NELL2: variants seen among roughly 807,000 people sequenced by gnomAD.
NELL2 encodes neural EGFL like 2.
NELL2 carries 41 observed loss-of-function variants against 109.6 expected under a neutral mutation model. The observed-to-expected ratio is 0.37, with a 90% CI of 0.29 to 0.49. The LOEUF (loss-of-function observed/expected upper bound fraction) is 0.49. NELL2 is among the 20% of genes least tolerant of loss of function. The probability of loss-of-function intolerance (pLI) is 0.98; values close to 1 mark genes in which losing one functional copy is unlikely to be tolerated. For synonymous variants in NELL2, 355 were observed against 344.7 expected, an observed-to-expected ratio of 1.03 and a Z score of -0.33; for missense variants, 900 against 1,008.3, an observed-to-expected ratio of 0.89 and a Z score of 1.45.
chr12:44,641,567 C>A (rs7295303), intron 13 of NELL2, among the ~76,000 whole-genome samples: 6,229 of 151,884 alleles, frequency 0.041, 427 homozygotes, highest in African/African-American at 0.14. Context: ...AAGAAAAAAA[C>A]CCCATAAATA....
intron 15 of NELL2, among the ~76,000 whole-genome samples, chr12:44,563,809 G>A (rs1434997926): frequency 6.6e-6 from 1 of 152,076 alleles, no homozygotes; most frequent in Non-Finnish European, 1.5e-5. Context: ...TTGACAGATA[G>A]GTTTGAAGAA....
chr12:44,563,521 G>A (rs1164639636), intron 15 of NELL2, among the ~76,000 whole-genome samples: 1 of 152,098 alleles, frequency 6.6e-6, no homozygotes, highest in East Asian at 1.9e-4. Context: ...TAGTTTTTTG[G>A]GGAAAGGGTG....
intron 9 of NELL2, among the ~76,000 whole-genome samples, chr12:44,758,923 C>T (rs1941006669): frequency 6.6e-6 from 1 of 152,178 alleles, no homozygotes; most frequent in South Asian, 2.1e-4. Flanking sequence ...AGTAAAACTT[C>T]ATGCCTCTGA....
chr12:44,633,948 A>G (rs1430832770), intron 13 of NELL2, among the ~76,000 whole-genome samples: 4 of 152,152 alleles, frequency 2.6e-5, no homozygotes, highest in Admixed American at 6.6e-5. Flanking sequence ...ATATATTCAG[A>G]CATAATAAAA....
At chr12:44,557,203 C>T (rs557566590) in intron 15 of NELL2, among the ~76,000 whole-genome samples, 1 of 152,276 alleles carries the variant, frequency 6.6e-6, no homozygotes, top group East Asian at 1.9e-4. Flanking sequence ...TTGGATCCTA[C>T]CATTTTGCCC....
At chr12:44,910,487 G>A (rs1204692658) in intron 1 of NELL2, among the ~76,000 whole-genome samples, 1 of 151,968 alleles carries the variant, frequency 6.6e-6, no homozygotes, top group Non-Finnish European at 1.5e-5. Flanking sequence ...GGAGAGAAAG[G>A]AGAACTTATG....
In NELL2 at chr12:44,876,249, G is replaced by T; in HGVS notation, c.-380C>A. On this transcript the variant is annotated 5_prime_UTR_variant, in exon 1 of 20. Coordinates refer to ENST00000429094, the MANE Select transcript of NELL2 (RefSeq NM_001145108.2). ...AGGGGGGCGGCCCCAAGAAAGCCCG[G>T]GCTGGGGCGGCCCCGCACCCCCCCG... 8.6e-7 allele frequency: 1 copy of T among 1,165,844 alleles called. No homozygotes were observed. The highest frequency in any genetic ancestry group is 1.1e-6 in the Non-Finnish European group (1 of 943,450). The allele number at this position is 1,165,844 out of a possible 1,614,324, so 72.2% of individuals were successfully genotyped here. A position where few individuals can be genotyped will look rare whatever the true frequency, so the allele number is the denominator to read the frequency against.
rs189856639 is a variant in NELL2, at chr12:44,606,583, T to C, written c.1663+586A>G. ...TATTTTACTTTAGGGTTATAAGTTA[T>C]ATGTAGACTATATATTGTTTTTAAA... On this transcript the variant is annotated intron_variant, in intron 15 of 19. Coordinates refer to ENST00000429094, the MANE Select transcript of NELL2 (RefSeq NM_001145108.2). Among the ~76,000 whole-genome samples the C allele has an allele frequency of 8.2e-4, 125 of 152,286 alleles. 1 individual carries two copies. Among genetic ancestry groups the C allele is most frequent in the Middle Eastern group, 3.4e-3 (1 of 294 alleles).
intron 3 of NELL2, among the ~76,000 whole-genome samples, chr12:44,812,433 G>T (rs1943210317): frequency 6.6e-6 from 1 of 152,150 alleles, no homozygotes; most frequent in Non-Finnish European, 1.5e-5. Flanking sequence ...ATATGTGTAT[G>T]GTTTCAGTGC....
chr12:44,658,443 G>C (rs1404714019), intron 13 of NELL2, among the ~76,000 whole-genome samples: 1 of 152,004 alleles, frequency 6.6e-6, no homozygotes, highest in East Asian at 1.9e-4. Context: ...GAAATAAGAG[G>C]ACACAACAAA....
At position 44,875,937 on chromosome 12, in the gene NELL2, G is replaced by A; in HGVS notation, c.-68C>T. On this transcript the variant is annotated 5_prime_UTR_variant, in exon 1 of 20. Coordinates refer to ENST00000429094, the MANE Select transcript of NELL2 (RefSeq NM_001145108.2). ...AAAATAAAAATCGAAGAGGTTCTTG[G>A]AATCAAGCGGGAAAATAACGTTTGT... 6.2e-7 allele frequency: 1 copy of A among 1,607,638 alleles called. No homozygotes were observed. The highest frequency in any genetic ancestry group is 8.5e-7 in the Non-Finnish European group (1 of 1,179,368).
At chr12:44,622,682 A>T (rs965290792) in intron 13 of NELL2, among the ~76,000 whole-genome samples, 1 of 152,166 alleles carries the variant, frequency 6.6e-6, no homozygotes, top group Non-Finnish European at 1.5e-5. Context: ...GTTGGATCAG[A>T]TACTACTTTC....
At chr12:44,739,447 T>C (rs1191789650) in intron 9 of NELL2, among the ~76,000 whole-genome samples, 1 of 152,220 alleles carries the variant, frequency 6.6e-6, no homozygotes, top group Non-Finnish European at 1.5e-5. Flanking sequence ...TGACAAACTA[T>C]GACCCAGAAG....
At chr12:44,545,802 T>G (rs1385457391) in intron 15 of NELL2, among the ~76,000 whole-genome samples, 2 of 152,132 alleles carry the variant, frequency 1.3e-5, no homozygotes, top group Non-Finnish European at 1.5e-5. Flanking sequence ...ATCTATTGGC[T>G]CTGCATTATT....
chr12:44,685,021 T>G (rs1176602219), intron 12 of NELL2, among the ~76,000 whole-genome samples: 1 of 151,976 alleles, frequency 6.6e-6, no homozygotes, highest in Non-Finnish European at 1.5e-5. Context: ...AGTGAGGTGT[T>G]AAAGTCTCCC....
intron 15 of NELL2, among the ~76,000 whole-genome samples, chr12:44,575,028 TA>T (rs112446646): frequency 0.062 from 9,484 of 152,198 alleles, 925 homozygotes; most frequent in African/African-American, 0.22. Context: ...AACATACATG[TA>T]TTTTACTTAC....
intron 13 of NELL2, among the ~76,000 whole-genome samples, chr12:44,614,937 G>A (rs1869162): frequency 0.58 from 88,074 of 151,902 alleles, 26,047 homozygotes; most frequent in East Asian, 0.72. Flanking sequence ...CACCATTTAA[G>A]TGCATCTACA....
chr12:44,559,037 A>T (rs1943367631), intron 15 of NELL2, among the ~76,000 whole-genome samples: 1 of 152,182 alleles, frequency 6.6e-6, no homozygotes, highest in Admixed American at 6.5e-5. Flanking sequence ...TTTTCCCGTC[A>T]TGGTGTAAAC....
chr12:44,800,908 C>G (rs897486404), intron 3 of NELL2, among the ~76,000 whole-genome samples: 1 of 152,152 alleles, frequency 6.6e-6, no homozygotes, highest in East Asian at 1.9e-4. Context: ...ACTGCATCAT[C>G]TGTTTTCTGA....
Sources: gnomAD v4.1 joint callset for allele counts (sites outside exome capture counted in the v4.1 genomes callset) on GRCh38, gnomAD v4.1.1 for gene constraint, MANE v1.5 for transcripts, NCBI Gene and HGNC (gene_info 2026-07-23, HGNC 2026-07-21) for gene names.